PCDHA4: variants seen among roughly 807,000 people sequenced by gnomAD.
The protein encoded by PCDHA4 is protocadherin alpha 4.
A neutral mutation model predicts 61.4 loss-of-function variants in PCDHA4; 49 were observed. The ratio of observed to expected loss-of-function variants is 0.80; its 90% confidence interval spans 0.63 to 1.01. The LOEUF (loss-of-function observed/expected upper bound fraction) is 1.01, where lower values mean the gene tolerates loss of function less well. Ranked by LOEUF, PCDHA4 falls within the 50% of genes least tolerant of loss-of-function variation. The probability of loss-of-function intolerance (pLI) is 0.00; values close to 1 mark genes in which losing one functional copy is unlikely to be tolerated. For missense variants in PCDHA4, 1,254 were observed against 1,235.8 expected (o/e 1.01, Z -0.22); for synonymous variants, 590 against 550.3 (o/e 1.07, Z -1.01).
chr5:140,841,580 A>T (rs1777346702), intron 1 of PCDHA4: 1 of 1,613,870 alleles, frequency 6.2e-7, no homozygotes, highest in South Asian at 1.1e-5. Context: ...TTTGTTTGTG[A>T]ATTCTCGGAT....
chr5:140,867,581 T>C (rs1322597888), intron 1 of PCDHA4: 1 of 152,170 alleles, frequency 6.6e-6, no homozygotes, highest in Non-Finnish European at 1.5e-5. Context: ...GCCCTTGCAG[T>C]ATTTTTAGAT....
At chr5:140,863,326 G>A (rs782427157) in intron 1 of PCDHA4, 10 of 1,432,588 alleles carry the variant, frequency 7.0e-6, no homozygotes, top group Non-Finnish European at 9.5e-6. Flanking sequence ...CAGCCTGTTA[G>A]TGCTCACGTT....
chr5:140,988,750 C>G (rs1282256432), intron 3 of PCDHA4, among the ~76,000 whole-genome samples: 1 of 152,074 alleles, frequency 6.6e-6, no homozygotes, highest in Non-Finnish European at 1.5e-5. Context: ...GATTGGTGGC[C>G]TGGGCAGAAT....
In PCDHA4 at chr5:140,808,357, G is replaced by A; in HGVS notation, c.1170G>A (p.Thr390=). Residue 390 remains threonine, a synonymous_variant, in exon 1 of 4, where the codon ACG becomes ACA. Transcript: ENST00000530339. The part of the protein sequence containing the change: ...GVNGLVTCSL[T]SHVPFKLVST... The stretch of plus-strand genomic sequence containing the variant: ...ATGGGCTGGTCACCTGCTCCTTGAC[G>A]TCCCACGTCCCCTTCAAGCTGGTGT... 6.2e-7 allele frequency: 1 copy of A among 1,614,204 alleles called. No individual in the cohort carries two copies. Among genetic ancestry groups the A allele is most frequent in the South Asian group, 1.1e-5 (1 of 91,082 alleles).
chr5:140,966,641 A>T, intron 1 of PCDHA4: 1 of 1,104,530 alleles, frequency 9.1e-7, no homozygotes, highest in South Asian at 2.2e-5. Flanking sequence ...GGCGCTTTCT[A>T]GAGCGTGAGC....
intron 3 of PCDHA4, among the ~76,000 whole-genome samples, chr5:140,985,740 T>C (rs992695405): frequency 1.9e-5 from 1 of 53,688 alleles, no homozygotes; most frequent in Admixed American, 1.9e-4. Context: ...GATGAATTCC[T>C]TTTTTTTTTT....
At chr5:140,929,379 GT>G (rs1554207046) in intron 1 of PCDHA4, 1 of 1,513,346 alleles carries the variant, frequency 6.6e-7, no homozygotes, top group African/African-American at 1.4e-5. Context: ...GCTGCTAGCT[GT>G]GTTTTGAAAT....
chr5:140,883,507 G>T (rs782325165), intron 1 of PCDHA4: 1 of 1,614,200 alleles, frequency 6.2e-7, no homozygotes, highest in South Asian at 1.1e-5. Flanking sequence ...ACAGCGCCCT[G>T]GACCGCGAGA....
At chr5:140,840,421 C>G (rs2150306670) in intron 1 of PCDHA4, among the ~76,000 whole-genome samples, 4 of 151,870 alleles carry the variant, frequency 2.6e-5, no homozygotes, top group Non-Finnish European at 5.9e-5. Flanking sequence ...AAATAATAGG[C>G]TAGTTTAAAG....
At chr5:140,914,606 C>A (rs1212372337) in intron 1 of PCDHA4, among the ~76,000 whole-genome samples, 2 of 152,072 alleles carry the variant, frequency 1.3e-5, no homozygotes, top group Admixed American at 6.5e-5. Context: ...CTTCCTCCTG[C>A]CATTTTGTAA....
intron 1 of PCDHA4, among the ~76,000 whole-genome samples, chr5:140,818,066 G>A (rs1766274959): frequency 6.6e-6 from 1 of 152,070 alleles, no homozygotes; most frequent in Non-Finnish European, 1.5e-5. Flanking sequence ...AATCTCGCTT[G>A]CAGTTTTCAA....
At chr5:140,952,955 A>G (rs1244776708) in intron 1 of PCDHA4, among the ~76,000 whole-genome samples, 1 of 152,044 alleles carries the variant, frequency 6.6e-6, no homozygotes, top group Non-Finnish European at 1.5e-5. Context: ...AGAAGGGGGA[A>G]GTGATACACA....
At position 140,824,400 on chromosome 5, in the gene PCDHA4, T is replaced by C. The variant is rs1554129880; in HGVS notation, c.2385+14828T>C. The C allele has an allele frequency of 7.3e-6, 4 of 544,444 alleles. No homozygotes were observed. The African/African-American group carries it at 7.7e-5, about 10-fold the overall frequency. The allele number at this position is 544,444 out of a possible 1,614,324, so 33.7% of individuals were successfully genotyped here. On this transcript the variant is annotated intron_variant, in intron 1 of 3. Transcript: ENST00000530339. ...CATCTCTAAAAATGTAGGATAATAA[T>C]TGTAAGACATAGTTTGGAGTCATTC...
intron 1 of PCDHA4, chr5:140,813,234 G>C (rs1010931679): frequency 6.6e-6 from 1 of 152,092 alleles, no homozygotes; most frequent in Admixed American, 6.6e-5. Context: ...TTGAAAGTAG[G>C]ATACCAAAAT....
intron 1 of PCDHA4, chr5:140,883,535 C>A: frequency 6.2e-7 from 1 of 1,614,248 alleles, no homozygotes; most frequent in South Asian, 1.1e-5. Flanking sequence ...AGCCTATGAA[C>A]TGGTGGTGAC....
rs1554205708 is a variant in PCDHA4 at position 140,928,289 on chromosome 5, G to A, written c.2386-50660G>A. 3.1e-6 allele frequency: 5 copies of A among 1,614,170 alleles called. No individual in the cohort carries two copies. In the East Asian group the frequency reaches 6.7e-5, roughly 22 times the overall value. ...AATGGCCCTGGGGCCTCTCTAGGCC[G>A]AGTGTTTGCCCAGGACCCCGACCTG... is the stretch of plus-strand genomic sequence containing the variant. On this transcript the variant is annotated intron_variant, in intron 1 of 3. Coordinates refer to ENST00000530339, the MANE Select transcript of PCDHA4 (RefSeq NM_018907.4).
chr5:140,876,236 T>C (rs782328225), intron 1 of PCDHA4: 24 of 1,613,974 alleles, frequency 1.5e-5, no homozygotes, highest in Non-Finnish European at 1.4e-5. Flanking sequence ...TCTGAAAATG[T>C]CCAAAACGAC....
intron 1 of PCDHA4, chr5:140,966,800 G>A: frequency 6.5e-7 from 1 of 1,540,654 alleles, no homozygotes; most frequent in Non-Finnish European, 8.7e-7. Context: ...TGCGGCGACA[G>A]AGCATCCACG....
chr5:140,870,627 G>C, intron 1 of PCDHA4: 4 of 1,613,028 alleles, frequency 2.5e-6, no homozygotes, highest in Non-Finnish European at 3.4e-6. Context: ...GCTACGTGTC[G>C]GTGCACGCGG....
Sources: gnomAD v4.1 joint callset for allele counts (sites outside exome capture counted in the v4.1 genomes callset) on GRCh38, gnomAD v4.1.1 for gene constraint, MANE v1.5 for transcripts, NCBI Gene and HGNC (gene_info 2026-07-23, HGNC 2026-07-21) for gene names.